GRIK4: variants seen among roughly 807,000 people sequenced by gnomAD.
The protein encoded by GRIK4 is glutamate receptor ionotropic, kainate 4.
Under a neutral mutation model 104.9 loss-of-function variants are expected in GRIK4, and 40 were observed. The observed-to-expected ratio is 0.38, with a 90% confidence interval of 0.30 to 0.50. The LOEUF (loss-of-function observed/expected upper bound fraction) is 0.50, where lower values mean the gene tolerates loss of function less well. Ranked by LOEUF, GRIK4 falls within the 20% of genes least tolerant of loss-of-function variation. The probability of loss-of-function intolerance (pLI) is 0.93; values close to 1 mark genes in which losing one functional copy is unlikely to be tolerated. For synonymous variants in GRIK4, 485 were observed against 524.9 expected (o/e 0.92, Z 1.04); for missense variants, 1,047 against 1,308.1 (o/e 0.80, Z 3.08).
At chr11:120,914,717 CTA>C (rs1372273032) in intron 13 of GRIK4, among the ~76,000 whole-genome samples, 1 of 152,140 alleles carries the variant, frequency 6.6e-6, no homozygotes, top group African/African-American at 2.4e-5. Context: ...TCTTTATAAA[CTA>C]TGTCCAGAGC....
intron 1 of GRIK4, among the ~76,000 whole-genome samples, chr11:120,520,509 G>C (rs571911205): frequency 4.6e-5 from 7 of 152,212 alleles, no homozygotes; most frequent in African/African-American, 1.7e-4. Context: ...AGAAGGCAGC[G>C]ACATAAAGCA....
intron 8 of GRIK4, among the ~76,000 whole-genome samples, chr11:120,850,847 G>A (rs1953957974): frequency 7.5e-6 from 1 of 134,196 alleles, no homozygotes; most frequent in South Asian, 2.6e-4. Flanking sequence ...CATTATAAGT[G>A]CTATTGTATT....
At chr11:120,743,504 C>T (rs1951377023) in intron 3 of GRIK4, among the ~76,000 whole-genome samples, 1 of 152,188 alleles carries the variant, frequency 6.6e-6, no homozygotes. Flanking sequence ...ATGAAGTAAT[C>T]TGCACAACAA....
chr11:120,728,424 G>A (rs1025576597), intron 3 of GRIK4, among the ~76,000 whole-genome samples: 1 of 152,044 alleles, frequency 6.6e-6, no homozygotes. Context: ...ATCTGCTAAC[G>A]AATGAATTTC....
chr11:120,917,563 A>G (rs1943138800), intron 13 of GRIK4, among the ~76,000 whole-genome samples: 1 of 152,258 alleles, frequency 6.6e-6, no homozygotes, highest in Admixed American at 6.5e-5. Flanking sequence ...TCACCCGTGC[A>G]GGTGCGCTGC....
At chr11:120,867,531 G>T (rs1954455770) in intron 9 of GRIK4, among the ~76,000 whole-genome samples, 1 of 151,524 alleles carries the variant, frequency 6.6e-6, no homozygotes, top group Non-Finnish European at 1.5e-5. Flanking sequence ...CTTCACTCTT[G>T]GCACTTTCTT....
At position 120,549,648 on chromosome 11, in the gene GRIK4, G is replaced by A. The variant is rs886129305; in HGVS notation, c.-159+37761G>A. 6.6e-6 allele frequency among the ~76,000 whole-genome samples: 1 copy of A among 152,240 alleles called. No homozygotes were observed. The highest frequency in any genetic ancestry group is 1.5e-5 in the Non-Finnish European group (1 of 68,050). ...TAAAACGCTGCTCAGCTCACAGCAG[G>A]GGCCTGGGACAAGACAAGCAGAGGC... is the stretch of plus-strand genomic sequence containing the variant. On this transcript the variant is annotated intron_variant, in intron 1 of 20. Transcript: ENST00000527524. The surrounding 1 kb of genome is among the most constrained non-coding windows in gnomAD (Gnocchi z 4.7).
intron 6 of GRIK4, among the ~76,000 whole-genome samples, chr11:120,825,647 AAG>A (rs1953238650): frequency 6.6e-6 from 1 of 152,190 alleles, no homozygotes; most frequent in Non-Finnish European, 1.5e-5. Flanking sequence ...TGTGCTGTCA[AAG>A]AGAACGGCAG....
chr11:120,584,303 T>C lies in GRIK4; in HGVS notation c.-158-69382T>C, dbSNP rs903653160. On this transcript the variant is annotated intron_variant, in intron 1 of 20. Transcript: ENST00000527524. ...ATAGATGACTGTATTAGGCCATTCT[T>C]GCATTGCTATAAAGAAATACCTGAG... Among the ~76,000 whole-genome samples, 3 of 152,230 alleles carry C rather than the reference T, an allele frequency of 2.0e-5. 1 individual carries two copies. The South Asian group carries it at 6.2e-4, about 32-fold the overall frequency.
At chr11:120,557,304 T>C (rs1156876383) in intron 1 of GRIK4, among the ~76,000 whole-genome samples, 3 of 152,206 alleles carry the variant, frequency 2.0e-5, no homozygotes, top group Non-Finnish European at 2.9e-5. Flanking sequence ...CTGCACGCTC[T>C]AGGTCCGCTG....
At chr11:120,631,401 A>C (rs918945037) in intron 1 of GRIK4, among the ~76,000 whole-genome samples, 8 of 152,164 alleles carry the variant, frequency 5.3e-5, no homozygotes, top group African/African-American at 1.7e-4. Flanking sequence ...CACAGGCCAC[A>C]CTTTGAGTAG....
intron 16 of GRIK4, among the ~76,000 whole-genome samples, chr11:120,958,357 G>C (rs1199932936): frequency 1.3e-5 from 2 of 152,262 alleles, no homozygotes; most frequent in South Asian, 4.1e-4. Context: ...AGAGCTGTGT[G>C]AGAAGGGGCT....
intron 1 of GRIK4, among the ~76,000 whole-genome samples, chr11:120,630,659 A>G (rs1349645514): frequency 6.6e-6 from 1 of 152,220 alleles, no homozygotes; most frequent in African/African-American, 2.4e-5. Context: ...CAGTCCATAA[A>G]TCCATATTGT....
chr11:120,810,818 T>C (rs995491849), intron 4 of GRIK4, among the ~76,000 whole-genome samples: 1 of 152,188 alleles, frequency 6.6e-6, no homozygotes, highest in African/African-American at 2.4e-5. Context: ...ATATAACTGG[T>C]ATTTGAAGAT....
In GRIK4 at chr11:120,815,413, C is replaced by T. The variant is rs1401807178; in HGVS notation, c.283C>T (p.Leu95Phe). 1 of 1,552,358 alleles carries T rather than the reference C, an allele frequency of 6.4e-7. No individual in the cohort carries two copies. The highest frequency in any genetic ancestry group is 2.0e-5 in the Admixed American group (1 of 51,218). Residue 95 changes from leucine to phenylalanine, a missense_variant, in exon 5 of 21, where the codon CTC becomes TTC. Physicochemically the swap from Leu to Phe is conservative, Grantham distance 22. Around this residue, in one of 3 missense-constraint regions of GRIK4, gnomAD observed 447 missense variants for 514.9 expected, o/e 0.87. Coordinates refer to ENST00000527524, the MANE Select transcript of GRIK4 (RefSeq NM_014619.5). Reference protein sequence around the residue: ...QILPKGVVAVLGPSSSPASSS... With the variant: ...QILPKGVVAVFGPSSSPASSS... Reference sequence around the variant, plus strand: ...CCTCCCCAAGGGGGTGGTCGCTGTCCTCGGACCATCGTCCAGCCCAGCCTC... The same window carrying T: ...CCTCCCCAAGGGGGTGGTCGCTGTCTTCGGACCATCGTCCAGCCCAGCCTC...
Position 120,988,505 on chromosome 11 carries a change from C to T in GRIK4, c.*2245C>T, listed in dbSNP as rs1240311669. The T allele has an allele frequency of 6.6e-6, 1 of 152,100 alleles. No homozygotes were observed. Among genetic ancestry groups the T allele is most frequent in the Non-Finnish European group, 1.5e-5 (1 of 68,028 alleles). 9.4% of individuals were successfully genotyped at this position (152,100 alleles called of 1,614,324 possible). On this transcript the variant is annotated 3_prime_UTR_variant, in exon 21 of 21. Coordinates refer to ENST00000527524, the MANE Select transcript of GRIK4 (RefSeq NM_014619.5). ...TAATGGATTAGTGAAATAAATGTCC[C>T]CATGCATCATTTATAGTCTGTTTCT... is the stretch of plus-strand genomic sequence containing the variant.
chr11:120,589,445 C>A (rs1305672172), intron 1 of GRIK4, among the ~76,000 whole-genome samples: 1 of 152,170 alleles, frequency 6.6e-6, no homozygotes, highest in Non-Finnish European at 1.5e-5. Context: ...CTGCTTTTGA[C>A]TGAAGATAAA....
Position 120,513,222 on chromosome 11 carries a change from G to A in GRIK4, c.-159+1335G>A, listed in dbSNP as rs1179329608. 6.6e-6 allele frequency among the ~76,000 whole-genome samples: 1 copy of A among 152,180 alleles called. No homozygotes were observed. ...TGGTCAGGAGGACTGAGCCCTGCCA[G>A]GAACAAAGAACTACCTTCACTTTCA... is the stretch of plus-strand genomic sequence containing the variant. On this transcript the variant is annotated intron_variant, in intron 1 of 20. Transcript: ENST00000527524. This position sits in a 1 kb window ranked among gnomAD's most constrained non-coding sequence, Gnocchi z 4.5.
At chr11:120,628,193 G>A (rs538602812) in intron 1 of GRIK4, among the ~76,000 whole-genome samples, 1 of 152,310 alleles carries the variant, frequency 6.6e-6, no homozygotes, top group South Asian at 2.1e-4. Context: ...GGTGAGCTGT[G>A]AGGTAGAGGA....
Sources: allele counts gnomAD v4.1 joint callset (sites outside exome capture counted in the v4.1 genomes callset), GRCh38; gene constraint gnomAD v4.1.1; regional missense constraint gnomAD v4.1.1; non-coding constraint Gnocchi (gnomAD v3.1); transcripts MANE v1.5; gene names NCBI Gene and HGNC (gene_info 2026-07-23, HGNC 2026-07-21).